The following CMTM8 variants were observed in gnomAD, a reference collection of about 807,000 sequenced individuals.
CMTM8 encodes CKLF like MARVEL transmembrane domain containing 8.
Under a neutral mutation model 18.6 loss-of-function variants are expected in CMTM8, and 12 were observed. The ratio of observed to expected loss-of-function variants is 0.65; its 90% CI spans 0.41 to 1.05. The LOEUF is 1.05. CMTM8 is among the 50% of genes least tolerant of loss of function. CMTM8 has a pLI of 0.00. For missense variants in CMTM8, 217 were observed against 227.2 expected, an observed-to-expected ratio of 0.95 and a Z score of 0.29; for synonymous variants, 87 against 90.6, an observed-to-expected ratio of 0.96 and a Z score of 0.23.
intron 1 of CMTM8, among the ~76,000 whole-genome samples, chr3:32,313,635 A>C (rs188945344): frequency 1.3e-5 from 2 of 152,252 alleles, no homozygotes; most frequent in East Asian, 3.9e-4. Flanking sequence ...GAAATTGTTA[A>C]AAATGCAGAC....
chr3:32,350,234 T>A (rs1476316482), intron 1 of CMTM8, among the ~76,000 whole-genome samples: 1 of 152,170 alleles, frequency 6.6e-6, no homozygotes, highest in African/African-American at 2.4e-5. Flanking sequence ...GTCCTAGAGC[T>A]ACCTGAGTCT....
chr3:32,365,641 C>T lies in CMTM8; in HGVS notation c.322-2231C>T, dbSNP rs907532825. 2.0e-5 allele frequency among the ~76,000 whole-genome samples: 3 copies of T among 152,300 alleles called. No homozygotes were observed. The South Asian group carries it at 6.2e-4, about 32-fold the overall frequency. On this transcript the variant is annotated intron_variant, in intron 2 of 3. Transcript: ENST00000307526. Reference sequence around the variant, plus strand: ...TGTATTTTTAGTAGAGATGGGATTTCACCATGTTGGCCAGGCTGGTCTCGA... The same window carrying T: ...TGTATTTTTAGTAGAGATGGGATTTTACCATGTTGGCCAGGCTGGTCTCGA...
At chr3:32,345,347 C>A (rs530316251) in intron 1 of CMTM8, among the ~76,000 whole-genome samples, 1 of 151,984 alleles carries the variant, frequency 6.6e-6, no homozygotes, top group Non-Finnish European at 1.5e-5. Context: ...CAAAATGAGA[C>A]CAGTCTCAAA....
chr3:32,316,060 T>C (rs1327360150), intron 1 of CMTM8, among the ~76,000 whole-genome samples: 1 of 141,162 alleles, frequency 7.1e-6, no homozygotes, highest in East Asian at 2.1e-4. Flanking sequence ...GGAGTCTTGC[T>C]CTGTCGCCCA....
Position 32,239,119 on chromosome 3 carries a change from C to T in CMTM8, c.147C>T (p.Ile49=), listed in dbSNP as rs1701910858. The T allele has an allele frequency of 1.3e-6, 2 of 1,596,570 alleles. No homozygotes were observed. Among genetic ancestry groups the T allele is most frequent in the East Asian group, 4.6e-5 (2 of 43,708 alleles). Residue 49 remains isoleucine, a splice_region_variant and synonymous_variant, in exon 1 of 4, where the codon ATC becomes ATT. Coordinates refer to ENST00000307526, the MANE Select transcript of CMTM8 (RefSeq NM_178868.5). ...TLPGFLIVAE[I]VLGLLVWTLI... ...CCGGCTTCCTCATCGTGGCCGAGAT[C>T]GTGAGTGCCGACGGGCCGGGGGTGG...
intron 1 of CMTM8, among the ~76,000 whole-genome samples, chr3:32,248,336 C>G (rs532095467): frequency 6.6e-6 from 1 of 152,014 alleles, no homozygotes; most frequent in Non-Finnish European, 1.5e-5. Context: ...TTGCCTATTA[C>G]GAATAATGCT....
intron 1 of CMTM8, among the ~76,000 whole-genome samples, chr3:32,255,283 G>A (rs1392170839): frequency 1.3e-5 from 2 of 152,148 alleles, no homozygotes; most frequent in African/African-American, 4.8e-5. Flanking sequence ...ATTTCATGCT[G>A]TTAAGAGTGG....
At chr3:32,284,629 G>A (rs1436567217) in intron 1 of CMTM8, among the ~76,000 whole-genome samples, 4 of 152,134 alleles carry the variant, frequency 2.6e-5, no homozygotes, top group South Asian at 4.1e-4. Context: ...CTCCAGCACC[G>A]ACCTGTGATC....
At chr3:32,342,206 C>A (rs1352774731) in intron 1 of CMTM8, among the ~76,000 whole-genome samples, 1 of 152,168 alleles carries the variant, frequency 6.6e-6, no homozygotes, top group Admixed American at 6.5e-5. Context: ...CAAGATCGCA[C>A]CACTGCAGTC....
intron 1 of CMTM8, among the ~76,000 whole-genome samples, chr3:32,288,655 C>T (rs1377348316): frequency 6.6e-6 from 1 of 152,158 alleles, no homozygotes; most frequent in East Asian, 1.9e-4. Flanking sequence ...CGCCCACCAC[C>T]ACGCCCAGCT....
At chr3:32,299,215 C>T (rs768918130) in intron 1 of CMTM8, among the ~76,000 whole-genome samples, 14 of 152,096 alleles carry the variant, frequency 9.2e-5, no homozygotes, top group African/African-American at 7.2e-5. Context: ...TTTCAAGGCA[C>T]GATTTCCAAA....
At chr3:32,238,229 C>T (rs994582996), upstream of CMTM8, 1 of 152,328 alleles carries the variant, frequency 6.6e-6, no homozygotes, top group Non-Finnish European at 1.5e-5. Flanking sequence ...GGTCTAAGGT[C>T]CGGCCGGGTC....
chr3:32,295,471 A>C (rs914188953), intron 1 of CMTM8, among the ~76,000 whole-genome samples: 7 of 140,836 alleles, frequency 5.0e-5, no homozygotes, highest in East Asian at 2.0e-4. Flanking sequence ...AAAAAAAAAA[A>C]AAAAAAACAA....
chr3:32,322,508 G>A (rs535536069), intron 1 of CMTM8, among the ~76,000 whole-genome samples: 1 of 152,302 alleles, frequency 6.6e-6, no homozygotes, highest in African/African-American at 2.4e-5. Context: ...TGGCTGGCCT[G>A]CTTCTCATGC....
chr3:32,326,707 G>T (rs773037524), intron 1 of CMTM8, among the ~76,000 whole-genome samples: 1 of 151,684 alleles, frequency 6.6e-6, no homozygotes, highest in Non-Finnish European at 1.5e-5. Context: ...GTAGAGACGG[G>T]GTTTCACCGT....
chr3:32,346,082 A>T (rs987248329), intron 1 of CMTM8, among the ~76,000 whole-genome samples: 1 of 152,196 alleles, frequency 6.6e-6, no homozygotes, highest in African/African-American at 2.4e-5. Flanking sequence ...TGAACCCAGG[A>T]GGTGGAGGTT....
chr3:32,356,460 T>C (rs13098059), intron 1 of CMTM8, among the ~76,000 whole-genome samples: 34,156 of 152,194 alleles, frequency 0.22, 3,985 homozygotes, highest in East Asian at 0.35. Flanking sequence ...AGTTTCCTTT[T>C]GCTTGATGAA....
chr3:32,353,909 C>T (rs1231736972), intron 1 of CMTM8, among the ~76,000 whole-genome samples: 10 of 151,594 alleles, frequency 6.6e-5, no homozygotes, highest in Non-Finnish European at 1.3e-4. Flanking sequence ...CTCAGCCTCC[C>T]GAGTAGCTGG....
At chr3:32,248,837 A>G (rs1702077709) in intron 1 of CMTM8, among the ~76,000 whole-genome samples, 1 of 151,838 alleles carries the variant, frequency 6.6e-6, no homozygotes, top group South Asian at 2.1e-4. Flanking sequence ...TGCCTGGCTA[A>G]TTGTTTAATT....
Sources: allele counts gnomAD v4.1 joint callset (sites outside exome capture counted in the v4.1 genomes callset), GRCh38; gene constraint gnomAD v4.1.1; transcripts MANE v1.5; gene names NCBI Gene and HGNC (gene_info 2026-07-23, HGNC 2026-07-21).